Variants in ADPRHL1 observed in about 807,000 individuals in gnomAD.
ADPRHL1 encodes the protein inactive ADP-ribosyltransferase ARH2.
ADPRHL1 carries 43 observed loss-of-function variants against 44.1 expected under a neutral mutation model. The observed-to-expected ratio is 0.98, with a 90% CI of 0.76 to 1.26. The LOEUF is 1.26. Among genes scored for constraint, ADPRHL1 ranks in the 50% most tolerant of loss-of-function variants. The pLI, the probability that ADPRHL1 is intolerant of heterozygous loss-of-function variation, is 0.00. For missense variants in ADPRHL1, 2,022 were observed against 2,496.9 expected (o/e 0.81, Z 4.05); for synonymous variants, 878 against 1,017.4 (o/e 0.86, Z 2.61).
chr13:113,400,564 G>A lies in ADPRHL1; in HGVS notation c.*2814C>T, dbSNP rs1364379351. The A allele has an allele frequency of 6.6e-6, 1 of 152,128 alleles. No individual in the cohort carries two copies. The highest frequency in any genetic ancestry group is 1.5e-5 in the Non-Finnish European group (1 of 68,032). The allele number at this position is 152,128 out of a possible 1,614,324, so 9.4% of individuals were successfully genotyped here. Reference sequence around the variant, plus strand: ...TGCTGTAGTTATTTCACCCCGGGAGGGTGTGGGCCTTAGCCATGTGGCCGT... The same window carrying A: ...TGCTGTAGTTATTTCACCCCGGGAGAGTGTGGGCCTTAGCCATGTGGCCGT... On this transcript the variant is annotated 3_prime_UTR_variant, in exon 8 of 8. Coordinates refer to ENST00000612156, the MANE Select transcript of ADPRHL1 (RefSeq NM_001394807.1).
At chr13:113,446,836 G>A (rs1170203945) in intron 1 of ADPRHL1, among the ~76,000 whole-genome samples, 4 of 152,074 alleles carry the variant, frequency 2.6e-5, no homozygotes, top group African/African-American at 9.7e-5. Context: ...CTACATGCAC[G>A]GTGTTGTGTG....
At position 113,409,376 on chromosome 13, in the gene ADPRHL1, G is replaced by A. The variant is rs1415195830; in HGVS notation, c.1062-1156C>T. 2.0e-6 allele frequency: 2 copies of A among 985,356 alleles called. No homozygotes were observed. The highest frequency in any genetic ancestry group is 2.4e-6 in the Non-Finnish European group (2 of 829,922). 61.0% of individuals were successfully genotyped at this position (985,356 alleles called of 1,614,324 possible). On this transcript the variant is annotated intron_variant, in intron 7 of 7. Coordinates refer to ENST00000612156, the MANE Select transcript of ADPRHL1 (RefSeq NM_001394807.1). This position sits in a 1 kb window ranked among gnomAD's most constrained non-coding sequence, Gnocchi z 4.2. ...ACACCTGTTAGTCATTCATTCTAAG[G>A]AGATCATCAGGGATGAGGAACAAAG...
chr13:113,415,843 T>C (rs1595540622), intron 7 of ADPRHL1, among the ~76,000 whole-genome samples: 1 of 151,788 alleles, frequency 6.6e-6, no homozygotes, highest in Middle Eastern at 3.4e-3. Context: ...CACAGATCCC[T>C]TTAATTTGAG....
rs556142247 is a variant in ADPRHL1, at chr13:113,422,719, G to A, written c.1061+107C>T. The A allele has an allele frequency of 4.1e-5, 58 of 1,425,706 alleles. No homozygotes were observed. The South Asian group carries it at 5.5e-4, about 14-fold the overall frequency. The allele number at this position is 1,425,706 out of a possible 1,614,324, so 88.3% of individuals were successfully genotyped here. On this transcript the variant is annotated intron_variant, in intron 7 of 7. Transcript: ENST00000612156. ...AGATGTGGCCAGTCAGGCACAGACC[G>A]CAGTGGAGCCTCACAGAGACACCCT...
In ADPRHL1 at chr13:113,406,671, A is replaced by G. The variant is rs2043811770; in HGVS notation, c.2611T>C (p.Cys871Arg). The change falls in exon 8 of 8, where the codon TGT becomes CGT. Residue 871 changes from cysteine to arginine, a missense_variant. Physicochemically the swap from Cys to Arg is radical, Grantham distance 180. Around this residue, in one of 8 missense-constraint regions of ADPRHL1, gnomAD observed 1,221 missense variants for 1,517.8 expected, o/e 0.80. Coordinates refer to ENST00000612156, the MANE Select transcript of ADPRHL1 (RefSeq NM_001394807.1). ...QNMSSGENKP[C>R]ICGGENVVEN... Reference sequence around the variant, plus strand: ...ACCACATTCTCTCCTCCACAAATACAAGGTTTGTTTTCACCACTTGACATA... The same window carrying G: ...ACCACATTCTCTCCTCCACAAATACGAGGTTTGTTTTCACCACTTGACATA... 5 of 1,102,388 alleles carry G rather than the reference A, an allele frequency of 4.5e-6. No homozygotes were observed. In the Middle Eastern group the frequency reaches 1.0e-3, roughly 224 times the overall value. 68.3% of individuals were successfully genotyped at this position (1,102,388 alleles called of 1,614,324 possible). A position where few individuals can be genotyped will look rare whatever the true frequency, so the allele number is the denominator to read the frequency against.
rs1338323002 is a variant in ADPRHL1 at position 113,441,386 on chromosome 13, T to C, written c.379+3039A>G. Among the ~76,000 whole-genome samples the C allele has an allele frequency of 2.0e-5, 3 of 152,178 alleles. No homozygotes were observed. Among genetic ancestry groups the C allele is most frequent in the African/African-American group, 7.2e-5 (3 of 41,434 alleles). On this transcript the variant is annotated intron_variant, in intron 2 of 7. Transcript: ENST00000612156. The surrounding 1 kb of genome is among the most constrained non-coding windows in gnomAD (Gnocchi z 6.0). ...CTCAAGGGATTCAATTTTAACTCTTTTGCTGGGGCTTACTATTGCTAACTC... is the reference window on the plus strand; with the variant it reads ...CTCAAGGGATTCAATTTTAACTCTTCTGCTGGGGCTTACTATTGCTAACTC...
intron 1 of ADPRHL1, chr13:113,449,295 C>T (rs571815317): frequency 3.5e-6 from 3 of 855,760 alleles, no homozygotes. Context: ...GAGAGACACA[C>T]CCGGAAGGAG....
At chr13:113,404,402 C>T in the ADPRHL1 span, 2 of 1,321,154 alleles carry the variant, frequency 1.5e-6, no homozygotes, top group Non-Finnish European at 9.6e-7. Context: ...TTCCTGAGCC[C>T]ATTTCTGGGC....
intron 1 of ADPRHL1, among the ~76,000 whole-genome samples, chr13:113,447,649 C>A (rs933041431): frequency 6.6e-6 from 1 of 152,220 alleles, no homozygotes; most frequent in Admixed American, 6.5e-5. Flanking sequence ...TACATGACGC[C>A]ATGTTCATCA....
intron 2 of ADPRHL1, among the ~76,000 whole-genome samples, chr13:113,443,410 C>T (rs1276214334): frequency 6.6e-6 from 1 of 151,196 alleles, no homozygotes; most frequent in Non-Finnish European, 1.5e-5. Context: ...GAGTTCAAGA[C>T]CAGCCTGGGC....
chr13:113,434,548 G>A (rs1258114053), intron 2 of ADPRHL1, among the ~76,000 whole-genome samples: 2 of 147,178 alleles, frequency 1.4e-5, no homozygotes, highest in Non-Finnish European at 3.0e-5. Context: ...TGTACCCCGG[G>A]ACCCGGCACC....
At chr13:113,450,367 G>A (rs1158575502) in intron 1 of ADPRHL1, among the ~76,000 whole-genome samples, 3 of 152,230 alleles carry the variant, frequency 2.0e-5, no homozygotes, top group Non-Finnish European at 4.4e-5. Flanking sequence ...GGGGTAAGCT[G>A]TAGGGACCAG....
intron 3 of ADPRHL1, among the ~76,000 whole-genome samples, chr13:113,429,770 G>A (rs977028237): frequency 3.9e-5 from 6 of 152,194 alleles, no homozygotes; most frequent in East Asian, 1.9e-4. Context: ...CGACTCACTC[G>A]CCCTGCTGGT....
intron 1 of ADPRHL1, among the ~76,000 whole-genome samples, chr13:113,445,204 C>A (rs1181241889): frequency 1.3e-5 from 2 of 152,274 alleles, no homozygotes; most frequent in African/African-American, 4.8e-5. Context: ...GCCCTATGCC[C>A]AGCACGCGGG....
At chr13:113,435,519 A>G (rs1255385213) in intron 2 of ADPRHL1, among the ~76,000 whole-genome samples, 16 of 24,090 alleles carry the variant, frequency 6.6e-4, no homozygotes, top group South Asian at 3.7e-3. Context: ...CCCGGGACCC[A>G]GCACCCAGGT....
intron 7 of ADPRHL1, among the ~76,000 whole-genome samples, chr13:113,420,007 G>A (rs1947064609): frequency 6.6e-6 from 1 of 152,142 alleles, no homozygotes; most frequent in South Asian, 2.1e-4. Context: ...GGGTGTGTGA[G>A]GAGGCTCCTG....
chr13:113,407,669 A>G lies in ADPRHL1; in HGVS notation c.1613T>C (p.Leu538Ser). ...CGAGCTCTTGCCCATGATCTTCGGCAAGAGGCCCCTGGCGGCTTTGGGCCG... is the reference window on the plus strand; with the variant it reads ...CGAGCTCTTGCCCATGATCTTCGGCGAGAGGCCCCTGGCGGCTTTGGGCCG... ...VERPKAARGL[L>S]PKIMGKSSVL... is the part of the protein sequence containing the mutation. The change falls in exon 8 of 8, where the codon TTG (leucine) becomes TCG (serine). Residue 538 changes from leucine to serine, a missense_variant. By Grantham distance (145) the Leu-to-Ser change is moderately radical. This residue lies in a region of ADPRHL1 where 1,221 missense variants were observed against 1,517.8 expected (regional missense o/e 0.80). Transcript: ENST00000612156. The G allele has an allele frequency of 8.1e-7, 1 of 1,232,078 alleles. No individual in the cohort carries two copies. The allele number at this position is 1,232,078 out of a possible 1,614,324, so 76.3% of individuals were successfully genotyped here.
chr13:113,448,539 T>C (rs1046215859), intron 1 of ADPRHL1, among the ~76,000 whole-genome samples: 1 of 122,954 alleles, frequency 8.1e-6, no homozygotes. Context: ...AAAGGCAAAA[T>C]ACTAACATCC....
At chr13:113,425,232 CGGGTGCAGGGAGTTGGGGGTGGGGA>C in intron 4 of ADPRHL1, 53 bp from the exon 5 acceptor site, 1 of 126,210 alleles carries the variant, frequency 7.9e-6, no homozygotes, top group Non-Finnish European at 1.2e-5. Context: ...TGGAGTGGGG[CGGGTGCAGGGAGTTGGGGGTGGGGA>C]GGGTGGGGGC....
Sources: gnomAD v4.1 joint callset for allele counts (sites outside exome capture counted in the v4.1 genomes callset) on GRCh38, gnomAD v4.1.1 for gene constraint, gnomAD v4.1.1 regional missense constraint, Gnocchi (gnomAD v3.1) non-coding constraint, MANE v1.5 for transcripts, NCBI Gene and HGNC (gene_info 2026-07-23, HGNC 2026-07-21) for gene names.